Variants in RNF8 observed in about 807,000 individuals in gnomAD.
RNF8 encodes ring finger protein 8.
Under a neutral mutation model 59.3 loss-of-function variants are expected in RNF8, and 8 were observed. The observed-to-expected ratio is 0.13, with a 90% confidence interval of 0.08 to 0.24. The LOEUF is 0.24. Among genes scored for constraint, RNF8 ranks in the 10% least tolerant of loss-of-function variants. The pLI is 1.00. For synonymous variants in RNF8, 162 were observed against 200.0 expected (o/e 0.81, Z 1.60); for missense variants, 406 against 572.6 (o/e 0.71, Z 2.97).
At chr6:37,376,630 C>G (rs541988191) in intron 5 of RNF8, among the ~76,000 whole-genome samples, 1 of 152,290 alleles carries the variant, frequency 6.6e-6, no homozygotes, top group East Asian at 1.9e-4. Context: ...AAGGCCCCAC[C>G]TCTTAATACC....
chr6:37,364,564 A>G (rs935857421), intron 2 of RNF8, among the ~76,000 whole-genome samples: 12 of 152,230 alleles, frequency 7.9e-5, no homozygotes, highest in Non-Finnish European at 1.8e-4. Flanking sequence ...GATGATACCA[A>G]GTGCTGGCAA....
At position 37,362,817 on chromosome 6, in the gene RNF8, C is replaced by A. The variant is rs938344327; in HGVS notation, c.240+2243C>A. Among the ~76,000 whole-genome samples the A allele has an allele frequency of 5.3e-5, 8 of 152,282 alleles. No individual in the cohort carries two copies. The South Asian group carries it at 1.5e-3, about 28-fold the overall frequency. ...TGCTGGAATGGCCAGAAAGTGAGAG[C>A]TTAAGTATAGATACAAAAATTGCAA... On this transcript the variant is annotated intron_variant, in intron 2 of 7. Transcript: ENST00000373479.
At position 37,390,878 on chromosome 6, in the gene RNF8, CAG is replaced by C. The variant is rs1331202886; in HGVS notation, c.*124_*125del. 6 of 1,557,242 alleles carry C rather than the reference CAG, an allele frequency of 3.9e-6. No individual in the cohort carries two copies. The Admixed American group carries it at 1.0e-4, about 26-fold the overall frequency. On this transcript the variant is annotated 3_prime_UTR_variant, in exon 8 of 8. Coordinates refer to ENST00000373479, the MANE Select transcript of RNF8 (RefSeq NM_003958.4). ...AGGTCAACTGAGAAGTCTTGTGGGA[CAG>C]AGACTTGAGTTAGGAAGCCCTCAGT...
At chr6:37,367,148 C>T (rs1016384863) in intron 2 of RNF8, among the ~76,000 whole-genome samples, 5 of 152,332 alleles carry the variant, frequency 3.3e-5, no homozygotes, top group African/African-American at 2.4e-5. Flanking sequence ...TTACGTAATA[C>T]GATGCCCAGG....
At chr6:37,386,389 G>T (rs968720961) in intron 7 of RNF8, among the ~76,000 whole-genome samples, 1 of 152,136 alleles carries the variant, frequency 6.6e-6, no homozygotes, top group African/African-American at 2.4e-5. Flanking sequence ...CTCTGTGGTA[G>T]AGTGTCTTCT....
chr6:37,369,000 A>C lies in RNF8; in HGVS notation c.757A>C (p.Met253Leu). ...AAGCTTACAGATGTTTAAGGTGACC[A>C]TGTCCAGGATTCTGAGGCTCAAAAT... ...QRSLQMFKVT[M>L]SRILRLKIQM... Residue 253 changes from methionine to leucine, a missense_variant, in exon 3 of 8, where the codon ATG (methionine) becomes CTG (leucine). Physicochemically the swap from Met to Leu is conservative, Grantham distance 15 (BLOSUM62 2). Around this residue, in one of 3 missense-constraint regions of RNF8, gnomAD observed 285 missense variants for 342.0 expected, o/e 0.83. Coordinates refer to ENST00000373479, the MANE Select transcript of RNF8 (RefSeq NM_003958.4). 1 of 1,614,256 alleles carries C rather than the reference A, an allele frequency of 6.2e-7. No homozygotes were observed. Among genetic ancestry groups the C allele is most frequent in the South Asian group, 1.1e-5 (1 of 91,088 alleles).
intron 4 of RNF8, among the ~76,000 whole-genome samples, chr6:37,372,155 T>C (rs1432439477): frequency 6.6e-6 from 1 of 152,244 alleles, no homozygotes; most frequent in Non-Finnish European, 1.5e-5. Flanking sequence ...TTTTGTGTGC[T>C]CTTTTGCATC....
Position 37,381,191 on chromosome 6 carries a change from T to C in RNF8, c.1278T>C (p.Cys426=), listed in dbSNP as rs1211051603. The C allele has an allele frequency of 6.2e-7, 1 of 1,614,206 alleles. No homozygotes were observed. Among genetic ancestry groups the C allele is most frequent in the East Asian group, 2.2e-5 (1 of 44,884 alleles). The change falls in exon 7 of 8, where the codon TGT becomes TGC. Residue 426 remains cysteine, a synonymous_variant. Coordinates refer to ENST00000373479, the MANE Select transcript of RNF8 (RefSeq NM_003958.4). ...GTGCCCACAGTTTCTGCTCCTACTG[T>C]ATCAATGAATGGATGAAGCGGAAGA... ...LNCAHSFCSY[C]INEWMKRKIE... is the part of the protein sequence containing the mutation.
At chr6:37,368,302 A>C in intron 2 of RNF8, 182 bp from the exon 3 acceptor site, 2 of 1,468,080 alleles carry the variant, frequency 1.4e-6, no homozygotes, top group Non-Finnish European at 1.8e-6. Flanking sequence ...ATAGGTAAAA[A>C]GCCAAAGCAC....
chr6:37,365,405 C>T (rs1310805559), intron 2 of RNF8, among the ~76,000 whole-genome samples: 1 of 152,162 alleles, frequency 6.6e-6, no homozygotes. Context: ...ATAAATGTAA[C>T]TTTTAAAATA....
At chr6:37,355,605 A>G (rs1769083432) in intron 1 of RNF8, among the ~76,000 whole-genome samples, 1 of 152,210 alleles carries the variant, frequency 6.6e-6, no homozygotes, top group Admixed American at 6.5e-5. Context: ...TTCAAGTCAG[A>G]GGAGGAATTC....
intron 2 of RNF8, among the ~76,000 whole-genome samples, chr6:37,367,479 C>G (rs371997732): frequency 3.9e-5 from 6 of 152,304 alleles, no homozygotes; most frequent in African/African-American, 1.2e-4. Flanking sequence ...TCTTGGCTCA[C>G]GGCATCCTCT....
intron 3 of RNF8, 56 bp downstream of exon 3, chr6:37,369,274 A>T: frequency 6.7e-7 from 1 of 1,499,262 alleles, no homozygotes; most frequent in South Asian, 1.4e-5. Context: ...CAGGCACTTC[A>T]TGAGTCTCTG....
At chr6:37,366,196 G>A (rs1769544842) in intron 2 of RNF8, among the ~76,000 whole-genome samples, 1 of 152,104 alleles carries the variant, frequency 6.6e-6, no homozygotes, top group African/African-American at 2.4e-5. Context: ...TTTAGCTGTG[G>A]GCTGTTTCTG....
At chr6:37,362,450 AG>A (rs963340539) in intron 2 of RNF8, among the ~76,000 whole-genome samples, 1 of 152,180 alleles carries the variant, frequency 6.6e-6, no homozygotes, top group African/African-American at 2.4e-5. Context: ...GGCAATAGAG[AG>A]GAAAGATAGG....
At chr6:37,377,060 T>A in intron 6 of RNF8, 27 bp downstream of exon 6, 1 of 623,626 alleles carries the variant, frequency 1.6e-6, no homozygotes, top group Non-Finnish European at 2.5e-6. Context: ...GCTCACCCCT[T>A]CTTTTTTTTT....
intron 2 of RNF8, among the ~76,000 whole-genome samples, chr6:37,366,236 T>G (rs889698717): frequency 1.3e-5 from 2 of 152,218 alleles, no homozygotes; most frequent in Admixed American, 1.3e-4. Context: ...TACCTTATCT[T>G]AGCTTTGGAG....
At chr6:37,371,651 C>A (rs1394993403) in intron 4 of RNF8, 77 bp downstream of exon 4, 3 of 1,211,640 alleles carry the variant, frequency 2.5e-6, no homozygotes, top group Non-Finnish European at 3.7e-6. Flanking sequence ...CCACTGGCTG[C>A]CTCTGCTGCT....
chr6:37,377,611 C>T (rs780572798), intron 6 of RNF8, among the ~76,000 whole-genome samples: 16 of 152,152 alleles, frequency 1.1e-4, no homozygotes, highest in Non-Finnish European at 2.1e-4. Flanking sequence ...ACATTTTGAG[C>T]TGCAATGAAG....
Sources: allele counts gnomAD v4.1 joint callset (sites outside exome capture counted in the v4.1 genomes callset), GRCh38; gene constraint gnomAD v4.1.1; regional missense constraint gnomAD v4.1.1; transcripts MANE v1.5; gene names NCBI Gene and HGNC (gene_info 2026-07-23, HGNC 2026-07-21).